ATRNL1: variants seen among roughly 807,000 people sequenced by gnomAD.
ATRNL1 encodes the protein attractin-like protein 1.
A neutral mutation model predicts 182.7 loss-of-function variants in ATRNL1; 95 were observed. That is an observed-to-expected ratio of 0.52 (90% confidence interval 0.44 to 0.62). The LOEUF (loss-of-function observed/expected upper bound fraction) is 0.62, where lower values mean the gene tolerates loss of function less well. Ranked by LOEUF, ATRNL1 falls within the 20% of genes least tolerant of loss-of-function variation. The pLI, the probability that ATRNL1 is intolerant of heterozygous loss-of-function variation, is 0.00. For synonymous variants in ATRNL1, 576 were observed against 568.3 expected, an observed-to-expected ratio of 1.01 and a Z score of -0.19; for missense variants, 1,471 against 1,679.5, an observed-to-expected ratio of 0.88 and a Z score of 2.17.
chr10:115,757,508 G>A lies in ATRNL1; in HGVS notation c.3903+30153G>A, dbSNP rs114947591. ...GTCCCCTACTCTCTTCTGGCTTGTA[G>A]GGTTTCTGTCAAGAAATCCACTGTT... On this transcript the variant is annotated intron_variant, in intron 27 of 28. Transcript: ENST00000355044. 7.6e-3 allele frequency among the ~76,000 whole-genome samples: 1,152 copies of A among 152,248 alleles called. 12 individuals carry two copies. The highest frequency in any genetic ancestry group is 0.026 in the African/African-American group (1,084 of 41,528).
At chr10:115,473,523 G>T (rs1032332882) in intron 24 of ATRNL1, among the ~76,000 whole-genome samples, 1 of 151,164 alleles carries the variant, frequency 6.6e-6, no homozygotes, top group African/African-American at 2.4e-5. Flanking sequence ...TCTCTGAAAT[G>T]CCATTGATTT....
Position 115,746,125 on chromosome 10 carries a change from G to A in ATRNL1, c.3903+18770G>A, listed in dbSNP as rs547058508. On this transcript the variant is annotated intron_variant, in intron 27 of 28. Transcript: ENST00000355044. The stretch of plus-strand genomic sequence containing the variant: ...GAGATAAGTCATATCACTCAACTTC[G>A]AGAACTGCTGACTCATGGCCAATCT... Among the ~76,000 whole-genome samples, 15 of 152,078 alleles carry A rather than the reference G, an allele frequency of 9.9e-5. No homozygotes were observed. The East Asian group carries it at 2.3e-3, about 23-fold the overall frequency.
chr10:115,338,066 CCTT>C (rs1396424798), intron 19 of ATRNL1, among the ~76,000 whole-genome samples: 18 of 151,914 alleles, frequency 1.2e-4, no homozygotes, highest in Admixed American at 3.9e-4. Flanking sequence ...CCGCTGATCA[CCTT>C]CTGCTGTGCA....
chr10:115,348,357 G>A (rs537223105), intron 19 of ATRNL1, among the ~76,000 whole-genome samples: 1 of 152,176 alleles, frequency 6.6e-6, no homozygotes, highest in Admixed American at 6.5e-5. Flanking sequence ...CATAAATGTG[G>A]TACTTTATAT....
At position 115,121,729 on chromosome 10, in the gene ATRNL1, T is replaced by C; in HGVS notation, c.408T>C (p.Asn136=). Residue 136 remains asparagine, a synonymous_variant, in exon 3 of 29, where the codon AAT becomes AAC. Transcript: ENST00000355044. ...ATGCAGTGTTAAGATTAAGATTCAATCATTTTGCTACAGAATGTAGCTGGG... is the reference window on the plus strand; with the variant it reads ...ATGCAGTGTTAAGATTAAGATTCAACCATTTTGCTACAGAATGTAGCTGGG... ...YPNAVLRLRF[N]HFATECSWDH... is the part of the protein sequence containing the mutation. 2 of 1,558,142 alleles carry C rather than the reference T, an allele frequency of 1.3e-6. No individual in the cohort carries two copies. Among genetic ancestry groups the C allele is most frequent in the Non-Finnish European group, 1.7e-6 (2 of 1,149,684 alleles).
chr10:115,129,241 A>G (rs574638674), intron 4 of ATRNL1, 86 bp from the exon 5 acceptor site: 7 of 929,978 alleles, frequency 7.5e-6, no homozygotes, highest in South Asian at 4.7e-5. Flanking sequence ...AGGACACAGT[A>G]TAAAAATTAT....
chr10:115,312,895 G>A (rs1554928347), intron 17 of ATRNL1, among the ~76,000 whole-genome samples: 2 of 152,040 alleles, frequency 1.3e-5, no homozygotes, highest in African/African-American at 4.8e-5. Flanking sequence ...TTGTCTTAGA[G>A]TAGTATTTGT....
chr10:115,159,969 C>G (rs1846699064), intron 5 of ATRNL1, 71 bp from the exon 6 acceptor site: 1 of 1,116,518 alleles, frequency 9.0e-7, no homozygotes, highest in Non-Finnish European at 1.2e-6. Flanking sequence ...TTCTCTTAAT[C>G]CATATGTTGT....
chr10:115,200,342 G>A (rs1157682600), intron 8 of ATRNL1, among the ~76,000 whole-genome samples: 8 of 139,752 alleles, frequency 5.7e-5, no homozygotes, highest in Admixed American at 3.6e-4. Flanking sequence ...TCGTCATTTA[G>A]CATTAGGTAT....
chr10:115,944,382 A>G (rs1337236125), intron 28 of ATRNL1, among the ~76,000 whole-genome samples: 1 of 151,978 alleles, frequency 6.6e-6, no homozygotes, highest in Non-Finnish European at 1.5e-5. Context: ...GGTCATATGC[A>G]CAACTAAATG....
intron 26 of ATRNL1, among the ~76,000 whole-genome samples, chr10:115,724,006 T>A (rs140971788): frequency 6.2e-4 from 94 of 152,204 alleles, no homozygotes; most frequent in Middle Eastern, 6.8e-3. Context: ...TATAATCTAT[T>A]GTATTATGAT....
chr10:115,252,587 T>C (rs1554905621), intron 10 of ATRNL1, among the ~76,000 whole-genome samples: 1 of 152,220 alleles, frequency 6.6e-6, no homozygotes, highest in East Asian at 1.9e-4. Context: ...TCAGGAAAAT[T>C]TGGGAATTCA....
intron 26 of ATRNL1, among the ~76,000 whole-genome samples, chr10:115,584,798 A>G (rs538595758): frequency 1.4e-4 from 22 of 151,896 alleles, no homozygotes; most frequent in African/African-American, 5.1e-4. Context: ...TAGGTTTTGA[A>G]TGTGTTTGCT....
intron 1 of ATRNL1, among the ~76,000 whole-genome samples, chr10:115,110,043 T>G (rs1420769934): frequency 6.6e-6 from 1 of 152,204 alleles, no homozygotes; most frequent in Non-Finnish European, 1.5e-5. Context: ...TTTAGATGTA[T>G]AAAAATGAAT....
chr10:115,696,949 G>A (rs1172832363), intron 26 of ATRNL1, among the ~76,000 whole-genome samples: 1 of 151,720 alleles, frequency 6.6e-6, no homozygotes, highest in East Asian at 1.9e-4. Context: ...CAGATCTCAT[G>A]AGAACACAGT....
At chr10:115,427,357 A>G (rs1845950430) in intron 21 of ATRNL1, among the ~76,000 whole-genome samples, 1 of 152,178 alleles carries the variant, frequency 6.6e-6, no homozygotes, top group Non-Finnish European at 1.5e-5. Context: ...CATTCTAGAT[A>G]CAAGTCCTTT....
chr10:115,835,242 G>A (rs1422022871), intron 27 of ATRNL1, among the ~76,000 whole-genome samples: 2 of 151,996 alleles, frequency 1.3e-5, no homozygotes, highest in East Asian at 1.9e-4. Context: ...CAAAATAAGG[G>A]TGACCTTATT....
chr10:115,195,510 T>C (rs2087725609), intron 8 of ATRNL1, among the ~76,000 whole-genome samples: 1 of 152,130 alleles, frequency 6.6e-6, no homozygotes, highest in African/African-American at 2.4e-5. Context: ...TGTGCCTCTT[T>C]TCTCTGCTGC....
intron 19 of ATRNL1, among the ~76,000 whole-genome samples, chr10:115,387,141 A>C (rs1294802672): frequency 6.6e-6 from 1 of 152,056 alleles, no homozygotes; most frequent in African/African-American, 2.4e-5. Flanking sequence ...GACATGGATG[A>C]AATTGGAAAT....
Sources: gnomAD v4.1 joint callset for allele counts (sites outside exome capture counted in the v4.1 genomes callset) on GRCh38, gnomAD v4.1.1 for gene constraint, MANE v1.5 for transcripts, NCBI Gene and HGNC (gene_info 2026-07-23, HGNC 2026-07-21) for gene names.